TRHDE: variants seen among roughly 807,000 people sequenced by gnomAD.
TRHDE encodes thyrotropin-releasing hormone-degrading ectoenzyme.
TRHDE carries 72 observed loss-of-function variants against 125.7 expected under a neutral mutation model. The observed-to-expected ratio is 0.57, with a 90% CI of 0.47 to 0.70. The LOEUF (loss-of-function observed/expected upper bound fraction) is 0.70. Among genes scored for constraint, TRHDE ranks in the 30% least tolerant of loss-of-function variants. The probability of loss-of-function intolerance (pLI) is 0.00; values close to 1 mark genes in which losing one functional copy is unlikely to be tolerated. For missense variants in TRHDE, 1,110 were observed against 1,327.1 expected, an observed-to-expected ratio of 0.84 and a Z score of 2.54; for synonymous variants, 509 against 509.1, an observed-to-expected ratio of 1.00 and a Z score of 0.00.
intron 2 of TRHDE, among the ~76,000 whole-genome samples, chr12:72,307,702 T>C (rs1868369314): frequency 6.6e-6 from 1 of 152,188 alleles, no homozygotes; most frequent in South Asian, 2.1e-4. Context: ...TGTTTTATGT[T>C]AATATGATGC....
intron 14 of TRHDE, 55 bp from the exon 15 acceptor site, chr12:72,621,589 G>T: frequency 1.6e-6 from 2 of 1,281,390 alleles, no homozygotes; most frequent in Non-Finnish European, 2.2e-6. Flanking sequence ...TACTATTTAG[G>T]GAATGAATTT....
intron 2 of TRHDE, among the ~76,000 whole-genome samples, chr12:72,224,086 CTATCCATCTATCTATCT>C (rs1565666542): frequency 1.5e-4 from 6 of 40,646 alleles, no homozygotes; most frequent in African/African-American, 6.5e-4. Flanking sequence ...ATCCATCTAT[CTATCCATCTATCTATCT>C]ATCTATCTAT....
chr12:72,554,503 A>C (rs1869829498), intron 7 of TRHDE, among the ~76,000 whole-genome samples: 1 of 152,178 alleles, frequency 6.6e-6, no homozygotes, highest in African/African-American at 2.4e-5. Flanking sequence ...ACTAAATTAC[A>C]TTTCTTCCCA....
chr12:72,117,719 T>A (rs1875480838), intron 2 of TRHDE, among the ~76,000 whole-genome samples: 1 of 152,166 alleles, frequency 6.6e-6, no homozygotes, highest in South Asian at 2.1e-4. Flanking sequence ...ACATGAACTA[T>A]CATTTCATTT....
At chr12:72,567,914 A>G (rs903873557) in intron 9 of TRHDE, among the ~76,000 whole-genome samples, 1 of 152,074 alleles carries the variant, frequency 6.6e-6, no homozygotes. Flanking sequence ...TCTTTTTAAT[A>G]GTTGAGTTTC....
chr12:72,381,103 G>C (rs1045591739), intron 3 of TRHDE, among the ~76,000 whole-genome samples: 1 of 152,052 alleles, frequency 6.6e-6, no homozygotes, highest in Admixed American at 6.6e-5. Flanking sequence ...TTACAACTTG[G>C]GGGGTGAGTA....
chr12:72,297,540 A>T (rs1260961403), intron 2 of TRHDE, among the ~76,000 whole-genome samples: 2 of 152,204 alleles, frequency 1.3e-5, no homozygotes, highest in South Asian at 4.1e-4. Flanking sequence ...AGGTTGGGAG[A>T]ATCTCTGAAA....
chr12:72,221,250 C>T (rs1419875700), intron 2 of TRHDE, among the ~76,000 whole-genome samples: 4 of 151,910 alleles, frequency 2.6e-5, no homozygotes, highest in South Asian at 2.1e-4. Flanking sequence ...GCACTTGCAA[C>T]AGAAGTAGAA....
At chr12:72,143,378 G>T (rs12314780) in intron 2 of TRHDE, among the ~76,000 whole-genome samples, 1 of 152,098 alleles carries the variant, frequency 6.6e-6, no homozygotes, top group Non-Finnish European at 1.5e-5. Context: ...GATGAGAGGA[G>T]TAGGAGGAAG....
intron 2 of TRHDE, among the ~76,000 whole-genome samples, chr12:72,375,282 G>A (rs1871824048): frequency 6.6e-6 from 1 of 152,158 alleles, no homozygotes; most frequent in South Asian, 2.1e-4. Flanking sequence ...GAATTTTATT[G>A]TTCTATTTCT....
chr12:72,088,337 C>T (rs918522483), intron 1 of TRHDE, among the ~76,000 whole-genome samples: 7 of 151,752 alleles, frequency 4.6e-5, no homozygotes, highest in South Asian at 2.1e-4. Context: ...TAAAAAATTG[C>T]GAGTGGAAAG....
chr12:72,313,167 T>C (rs1279502714), intron 2 of TRHDE, among the ~76,000 whole-genome samples: 1 of 152,154 alleles, frequency 6.6e-6, no homozygotes, highest in Non-Finnish European at 1.5e-5. Context: ...TTTACTGTTT[T>C]CCTAAAACTA....
At chr12:72,600,436 A>G (rs955641702) in intron 12 of TRHDE, among the ~76,000 whole-genome samples, 4 of 152,010 alleles carry the variant, frequency 2.6e-5, no homozygotes, top group Non-Finnish European at 4.4e-5. Context: ...TTATTTCAGC[A>G]GTGTTTTATA....
chr12:72,228,399 C>T lies in TRHDE; in HGVS notation n.279+122647C>T, dbSNP rs542287318. On this transcript the variant is annotated intron_variant and non_coding_transcript_variant, in intron 2 of 4. Coordinates refer to the TRHDE transcript ENST00000548156. ...GGATGTTGGCCTGTTTTAGCCATGGCGTGAATGCAGGGGACCAAGTTCAGA... is the reference window on the plus strand; with the variant it reads ...GGATGTTGGCCTGTTTTAGCCATGGTGTGAATGCAGGGGACCAAGTTCAGA... 1.0e-3 allele frequency among the ~76,000 whole-genome samples: 152 copies of T among 152,260 alleles called. No individual in the cohort carries two copies. The Middle Eastern group carries it at 0.014, about 14-fold the overall frequency.
At chr12:72,254,719 T>C (rs59211589) in intron 2 of TRHDE, 27,269 of 152,120 alleles carry the variant, frequency 0.18, 2,550 homozygotes, top group Middle Eastern at 0.35. Context: ...TACAGATGAA[T>C]TGCCTGATCT....
chr12:72,455,374 T>C (rs1875794517), intron 3 of TRHDE, among the ~76,000 whole-genome samples: 7 of 152,204 alleles, frequency 4.6e-5, no homozygotes, highest in Admixed American at 4.6e-4. Flanking sequence ...TACAAGTGTT[T>C]AGTAGTTGTA....
intron 7 of TRHDE, among the ~76,000 whole-genome samples, chr12:72,554,283 C>T (rs975420013): frequency 1.3e-5 from 2 of 151,988 alleles, no homozygotes; most frequent in Non-Finnish European, 2.9e-5. Flanking sequence ...TTCTTGGATT[C>T]TTTATGTGGC....
intron 3 of TRHDE, among the ~76,000 whole-genome samples, chr12:72,429,281 T>C (rs1363029462): frequency 1.3e-5 from 2 of 151,262 alleles, no homozygotes; most frequent in Non-Finnish European, 2.9e-5. Context: ...CACCATGACA[T>C]GTGTATACCT....
intron 15 of TRHDE, among the ~76,000 whole-genome samples, chr12:72,641,902 C>G (rs917772046): frequency 1.3e-5 from 2 of 152,122 alleles, no homozygotes; most frequent in African/African-American, 2.4e-5. Context: ...TGTTGAAATC[C>G]TAACCCCCAA....
Sources: allele counts gnomAD v4.1 joint callset (sites outside exome capture counted in the v4.1 genomes callset), GRCh38; gene constraint gnomAD v4.1.1; transcripts MANE v1.5; gene names NCBI Gene and HGNC (gene_info 2026-07-23, HGNC 2026-07-21).